NFE2L1: variants seen among roughly 807,000 people sequenced by gnomAD.
NFE2L1 encodes the protein endoplasmic reticulum membrane sensor NFE2L1.
Under a neutral mutation model 61.6 loss-of-function variants are expected in NFE2L1, and 18 were observed. That is an observed-to-expected ratio of 0.29 (90% CI 0.20 to 0.43). The LOEUF (loss-of-function observed/expected upper bound fraction) is 0.43, where lower values mean the gene tolerates loss of function less well. Among genes scored for constraint, NFE2L1 ranks in the 20% least tolerant of loss-of-function variants. The probability of loss-of-function intolerance (pLI) is 1.00; values close to 1 mark genes in which losing one functional copy is unlikely to be tolerated. For missense variants in NFE2L1, 827 were observed against 973.5 expected, an observed-to-expected ratio of 0.85 and a Z score of 2.00; for synonymous variants, 419 against 402.7, an observed-to-expected ratio of 1.04 and a Z score of -0.48.
Position 48,056,546 on chromosome 17 carries a change from T to C in NFE2L1, c.671T>C (p.Leu224Pro). ...DTWAGEGAEA[L>P]ARNLLVDGET... is the part of the protein sequence containing the mutation. Reference sequence around the variant, plus strand: ...TGGGCAGGCGAGGGCGCGGAAGCTCTGGCACGGAACCTGCTAGTGGATGGA... The same window carrying C: ...TGGGCAGGCGAGGGCGCGGAAGCTCCGGCACGGAACCTGCTAGTGGATGGA... The change falls in exon 3 of 6, where the codon CTG (leucine) becomes CCG (proline). Residue 224 changes from leucine to proline, a missense_variant. Coordinates refer to ENST00000362042, the MANE Select transcript of NFE2L1 (RefSeq NM_003204.3). 6.2e-7 allele frequency: 1 copy of C among 1,614,038 alleles called. No individual in the cohort carries two copies. The highest frequency in any genetic ancestry group is 1.1e-5 in the South Asian group (1 of 91,080).
chr17:48,048,898 T>TG (rs1248621230), intron 1 of NFE2L1: 2 of 152,664 alleles, frequency 1.3e-5, no homozygotes, highest in Admixed American at 1.3e-4. Flanking sequence ...CCTCAGGCTA[T>TG]GGGCCCTGCA....
chr17:48,051,708 A>G (rs1258595034), intron 2 of NFE2L1, 80 bp downstream of exon 2: 1 of 1,506,266 alleles, frequency 6.6e-7, no homozygotes, highest in East Asian at 2.3e-5. Flanking sequence ...CAGAACACTG[A>G]GCCCTGTAAA....
chr17:48,059,115 G>C lies in NFE2L1; in HGVS notation c.1793G>C (p.Gly598Ala). The C allele has an allele frequency of 6.2e-7, 1 of 1,614,070 alleles. No homozygotes were observed. The highest frequency in any genetic ancestry group is 2.2e-5 in the East Asian group (1 of 44,872). Residue 598 changes from glycine to alanine, a missense_variant, in exon 6 of 6, where the codon GGC (glycine) becomes GCC (alanine). Physicochemically the swap from Gly to Ala is moderately conservative, Grantham distance 60. Transcript: ENST00000362042. The surrounding 1 kb of genome is among the most constrained non-coding windows in gnomAD (Gnocchi z 6.1). ...DLPPPSALKKGSKEKQADFLD... is the reference protein window; with the variant it reads ...DLPPPSALKKASKEKQADFLD... ...CCACCACCCAGTGCCCTCAAGAAAG[G>C]CAGCAAGGAGAAGCAGGCTGACTTC...
chr17:48,059,814 C>T lies in NFE2L1; in HGVS notation c.*173C>T, dbSNP rs2037503468. 1.1e-5 allele frequency: 11 copies of T among 971,028 alleles called. No homozygotes were observed. Among genetic ancestry groups the T allele is most frequent in the Non-Finnish European group, 1.6e-5 (11 of 685,672 alleles). The allele number at this position is 971,028 out of a possible 1,614,324, so 60.2% of individuals were successfully genotyped here. A position where few individuals can be genotyped will look rare whatever the true frequency, so the allele number is the denominator to read the frequency against. ...AGGAAGAGGCAGGCACTGGCTGGCT[C>T]AGCTCCACTCGGGTGGAGTGGAAGT... On this transcript the variant is annotated 3_prime_UTR_variant, in exon 6 of 6. Transcript: ENST00000362042. The surrounding 1 kb of genome is among the most constrained non-coding windows in gnomAD (Gnocchi z 6.1).
Position 48,051,170 on chromosome 17 carries a change from C to G in NFE2L1, c.52C>G (p.Leu18Val). ...LTEGLLQFTI[L>V]LSLIGVRVDV... ...GGAAGGACTTCTCCAGTTCACCATT[C>G]TGCTGAGTTTGATTGGGGTACGGGT... The change falls in exon 2 of 6, where the codon CTG becomes GTG. Residue 18 changes from leucine to valine, a missense_variant. Transcript: ENST00000362042. 6.2e-7 allele frequency: 1 copy of G among 1,614,190 alleles called. No homozygotes were observed. The highest frequency in any genetic ancestry group is 8.5e-7 in the Non-Finnish European group (1 of 1,180,032).
rs2037491780 is a variant in NFE2L1, at chr17:48,059,480, G to A, written c.2158G>A (p.Glu720Lys). The A allele has an allele frequency of 6.2e-7, 1 of 1,614,152 alleles. No individual in the cohort carries two copies. Among genetic ancestry groups the A allele is most frequent in the Non-Finnish European group, 8.5e-7 (1 of 1,179,990 alleles). ...GCAGAAGGTCCAGAGCCTGTACCAG[G>A]AGGTGTTTGGGCGGCTGCGAGATGA... Reference protein sequence around the residue: ...MKQKVQSLYQEVFGRLRDENG... With the variant: ...MKQKVQSLYQKVFGRLRDENG... Residue 720 changes from glutamate (E) to lysine (K), a missense_variant, in exon 6 of 6, where the codon GAG becomes AAG. Physicochemically the swap from Glu to Lys is moderately conservative, Grantham distance 56. Transcript: ENST00000362042. The surrounding 1 kb of genome is among the most constrained non-coding windows in gnomAD (Gnocchi z 6.1).
intron 2 of NFE2L1, among the ~76,000 whole-genome samples, chr17:48,051,969 A>G (rs1002877338): frequency 1.3e-5 from 2 of 152,062 alleles, no homozygotes; most frequent in African/African-American, 4.8e-5. Context: ...TGCAGTGTAC[A>G]TCTGTTGCTA....
Position 48,050,833 on chromosome 17 carries a change from G to T in NFE2L1, c.-286G>T. On this transcript the variant is annotated 5_prime_UTR_variant, in exon 2 of 6. Coordinates refer to ENST00000362042, the MANE Select transcript of NFE2L1 (RefSeq NM_003204.3). The stretch of plus-strand genomic sequence containing the variant: ...ACTGTGGAGAAAGTAAGTCACGTGG[G>T]CCCTTGAGGACCTGGACTGGGTTAG... 1 of 593,584 alleles carries T rather than the reference G, an allele frequency of 1.7e-6. No individual in the cohort carries two copies. The highest frequency in any genetic ancestry group is 2.1e-5 in the South Asian group (1 of 47,402). 36.8% of individuals were successfully genotyped at this position (593,584 alleles called of 1,614,324 possible). A position where few individuals can be genotyped will look rare whatever the true frequency, so the allele number is the denominator to read the frequency against.
chr17:48,059,514 G>T lies in NFE2L1; in HGVS notation c.2192G>T (p.Arg731Leu), dbSNP rs772152995. The T allele has an allele frequency of 6.2e-7, 1 of 1,614,008 alleles. No homozygotes were observed. The change falls in exon 6 of 6, where the codon CGA (arginine) becomes CTA (leucine). Residue 731 changes from arginine to leucine, a missense_variant. This residue lies in a region of NFE2L1 where 86 missense variants were observed against 97.3 expected (regional missense o/e 0.88). Coordinates refer to ENST00000362042, the MANE Select transcript of NFE2L1 (RefSeq NM_003204.3). The surrounding 1 kb of genome is among the most constrained non-coding windows in gnomAD (Gnocchi z 6.1). ...GGGCGGCTGCGAGATGAGAACGGAC[G>T]ACCCTACTCGCCCAGTCAGTATGCG... ...VFGRLRDENG[R>L]PYSPSQYALQ...
rs946053223 is a variant in NFE2L1 at position 48,059,897 on chromosome 17, G to A, written c.*256G>A. On this transcript the variant is annotated 3_prime_UTR_variant, in exon 6 of 6. Coordinates refer to ENST00000362042, the MANE Select transcript of NFE2L1 (RefSeq NM_003204.3). The surrounding 1 kb of genome is among the most constrained non-coding windows in gnomAD (Gnocchi z 6.1). ...CCTACCCCTTTCCTGTGAGGCAGGG[G>A]TGGTGGTGGAGTTGCTGGAGGTAGA... is the stretch of plus-strand genomic sequence containing the variant. 1.0e-5 allele frequency: 5 copies of A among 483,878 alleles called. No homozygotes were observed. The highest frequency in any genetic ancestry group is 1.4e-5 in the Non-Finnish European group (4 of 280,086). The allele number at this position is 483,878 out of a possible 1,614,324, so 30.0% of individuals were successfully genotyped here.
At chr17:48,056,212 A>G (rs2037396935) in intron 2 of NFE2L1, among the ~76,000 whole-genome samples, 174 bp from the exon 3 acceptor site, 1 of 152,012 alleles carries the variant, frequency 6.6e-6, no homozygotes, top group African/African-American at 2.4e-5. Flanking sequence ...GTCTGGAAGT[A>G]GATGAATGAA....
At position 48,051,406 on chromosome 17, in the gene NFE2L1, A is replaced by C; in HGVS notation, c.288A>C (p.Pro96=). ...QVRALDRFQV[P]TTEVNAWLVH... ...GGGCCCTGGACAGGTTCCAGGTGCC[A>C]ACCACTGAGGTAAATGCCTGGCTGG... Residue 96 remains proline (P), a synonymous_variant, in exon 2 of 6, where the codon CCA becomes CCC. Transcript: ENST00000362042. The C allele has an allele frequency of 6.2e-7, 1 of 1,614,180 alleles. No homozygotes were observed. The highest frequency in any genetic ancestry group is 1.1e-5 in the South Asian group (1 of 91,088).
In NFE2L1 at chr17:48,050,999, G is replaced by C; in HGVS notation, c.-120G>C. ...CATCCCTTGTGTTCTGCCAGGGTGG[G>C]GTACGGGGTTTGACACTGAGGAGGG... On this transcript the variant is annotated 5_prime_UTR_variant, in exon 2 of 6. Coordinates refer to ENST00000362042, the MANE Select transcript of NFE2L1 (RefSeq NM_003204.3). 8.1e-7 allele frequency: 1 copy of C among 1,228,364 alleles called. No homozygotes were observed. 76.1% of individuals were successfully genotyped at this position (1,228,364 alleles called of 1,614,324 possible).
At chr17:48,048,952 A>G (rs1231402266) in intron 1 of NFE2L1, 1 of 152,638 alleles carries the variant, frequency 6.6e-6, no homozygotes, top group African/African-American at 2.4e-5. Flanking sequence ...CTCGAACTTA[A>G]TTGGCTCCTG....
intron 2 of NFE2L1, among the ~76,000 whole-genome samples, chr17:48,053,515 C>A (rs972259976): frequency 6.6e-6 from 1 of 152,238 alleles, no homozygotes. Context: ...CGCTGCCAGG[C>A]CTGCTCTATG....
At chr17:48,056,274 G>C (rs993830754) in intron 2 of NFE2L1, 112 bp from the exon 3 acceptor site, 1 of 1,181,078 alleles carries the variant, frequency 8.5e-7, no homozygotes, top group African/African-American at 1.5e-5. Context: ...GAAGAGCTGG[G>C]AGGGGCCCCA....
At chr17:48,051,851 C>T (rs927259505) in intron 2 of NFE2L1, among the ~76,000 whole-genome samples, 1 of 152,064 alleles carries the variant, frequency 6.6e-6, no homozygotes. Flanking sequence ...AATGTACTGT[C>T]AGGGCAGTGG....
In NFE2L1 at chr17:48,050,589, T is replaced by C; in HGVS notation, c.-512-18T>C. 2.4e-6 allele frequency: 1 copy of C among 409,316 alleles called. No individual in the cohort carries two copies. The highest frequency in any genetic ancestry group is 4.3e-6 in the Non-Finnish European group (1 of 231,258). 25.4% of individuals were successfully genotyped at this position (409,316 alleles called of 1,614,324 possible). On this transcript the variant is annotated intron_variant, in intron 1 of 5. Coordinates refer to ENST00000362042, the MANE Select transcript of NFE2L1 (RefSeq NM_003204.3). ...AGTATGGAATCTTATCCTGTTGCTT[T>C]TGTGATTCCCATTTCAGGTTTCTCT...
At chr17:48,052,039 T>G (rs917143448) in intron 2 of NFE2L1, among the ~76,000 whole-genome samples, 1 of 152,134 alleles carries the variant, frequency 6.6e-6, no homozygotes, top group Admixed American at 6.6e-5. Context: ...AACACAGACA[T>G]ACCCTGAAGT....
Sources: allele counts gnomAD v4.1 joint callset (sites outside exome capture counted in the v4.1 genomes callset), GRCh38; gene constraint gnomAD v4.1.1; regional missense constraint gnomAD v4.1.1; non-coding constraint Gnocchi (gnomAD v3.1); transcripts MANE v1.5; gene names NCBI Gene and HGNC (gene_info 2026-07-23, HGNC 2026-07-21).